The following ANO3 variants were observed in gnomAD, a reference collection of about 807,000 sequenced individuals.
ANO3 encodes the protein anoctamin 3.
ANO3 carries 99 observed loss-of-function variants against 144.8 expected under a neutral mutation model. The observed-to-expected ratio is 0.68, with a 90% confidence interval of 0.58 to 0.81. ANO3 has a LOEUF of 0.81. ANO3 is among the 30% of genes least tolerant of loss of function. The probability of loss-of-function intolerance (pLI) is 0.00; values close to 1 mark genes in which losing one functional copy is unlikely to be tolerated. For missense variants in ANO3, 905 were observed against 1,202.2 expected (o/e 0.75, Z 3.66); for synonymous variants, 414 against 392.6 (o/e 1.05, Z -0.64).
rs540539259 is a variant in ANO3, at chr11:26,610,909, G to A, written c.1836+11195G>A. 5.1e-4 allele frequency among the ~76,000 whole-genome samples: 77 copies of A among 151,982 alleles called. 1 individual carries two copies. In the South Asian group the frequency reaches 0.014, roughly 27 times the overall value. On this transcript the variant is annotated intron_variant, in intron 17 of 26. Transcript: ENST00000256737. Reference sequence around the variant, plus strand: ...GAATCTATCCAGTTCATCTATGTTCGCAAACTTTTTGGTGTATAATTGTTC... The same window carrying A: ...GAATCTATCCAGTTCATCTATGTTCACAAACTTTTTGGTGTATAATTGTTC...
intron 1 of ANO3, among the ~76,000 whole-genome samples, chr11:26,437,395 G>A (rs985734101): frequency 6.6e-5 from 10 of 152,186 alleles, no homozygotes; most frequent in Middle Eastern, 3.2e-3. Context: ...ATATCCATGA[G>A]AGAAGAGTGG....
intron 14 of ANO3, among the ~76,000 whole-genome samples, chr11:26,578,449 A>G (rs1372380438): frequency 2.0e-5 from 3 of 152,184 alleles, no homozygotes; most frequent in Non-Finnish European, 2.9e-5. Context: ...CCAGGTTTCA[A>G]TTAGAGTAAG....
At chr11:26,215,454 T>A (rs1852017956) in intron 1 of ANO3, among the ~76,000 whole-genome samples, 1 of 151,434 alleles carries the variant, frequency 6.6e-6, no homozygotes, top group African/African-American at 2.4e-5. Flanking sequence ...ATTGTGAAGA[T>A]TTTTTTTTCC....
chr11:26,593,799 G>T (rs927575950), intron 14 of ANO3, among the ~76,000 whole-genome samples: 4 of 152,108 alleles, frequency 2.6e-5, no homozygotes, highest in Non-Finnish European at 4.4e-5. Flanking sequence ...GCCTTTCCCT[G>T]TTCCAGAGCC....
chr11:26,280,998 T>C (rs1029561323), intron 1 of ANO3, among the ~76,000 whole-genome samples: 6 of 152,148 alleles, frequency 3.9e-5, no homozygotes, highest in African/African-American at 1.4e-4. Context: ...ATAATATCTG[T>C]CTCTATCATT....
At chr11:26,398,269 T>C (rs1004353042) in intron 1 of ANO3, among the ~76,000 whole-genome samples, 3 of 152,032 alleles carry the variant, frequency 2.0e-5, no homozygotes, top group Admixed American at 2.0e-4. Context: ...AAGCAACCTA[T>C]AGTGAGTTTT....
chr11:26,613,306 T>C (rs1261821179), intron 17 of ANO3, among the ~76,000 whole-genome samples: 2 of 152,198 alleles, frequency 1.3e-5, no homozygotes, highest in Non-Finnish European at 2.9e-5. Context: ...ATTGTATTTA[T>C]TGAATTATTC....
At chr11:26,508,890 G>A (rs1861538799) in intron 5 of ANO3, 1 of 151,764 alleles carries the variant, frequency 6.6e-6, no homozygotes, top group Non-Finnish European at 1.5e-5. Context: ...TAAAAGTATA[G>A]AAATGTACAA....
At chr11:26,189,810 T>C (rs546886099) in intron 1 of ANO3, among the ~76,000 whole-genome samples, 69 of 152,348 alleles carry the variant, frequency 4.5e-4, no homozygotes, top group Admixed American at 4.1e-3. Context: ...TTTTATGATC[T>C]GATTTAGATT....
intron 14 of ANO3, among the ~76,000 whole-genome samples, chr11:26,582,786 A>G (rs1380352048): frequency 6.6e-6 from 1 of 152,188 alleles, no homozygotes; most frequent in Non-Finnish European, 1.5e-5. Flanking sequence ...GCACTCCTCT[A>G]TCCCTAGATT....
chr11:26,358,175 T>TA lies in ANO3; in HGVS notation c.46+25854_46+25855insA, dbSNP rs995959542. Among the ~76,000 whole-genome samples the TA allele has an allele frequency of 1.1e-4, 16 of 144,188 alleles. 1 individual carries two copies. Among genetic ancestry groups the TA allele is most frequent in the African/African-American group, 2.1e-4 (8 of 37,352 alleles). 94.6% of individuals were successfully genotyped at this position (144,188 alleles called of 152,430 possible). On this transcript the variant is annotated intron_variant, in intron 1 of 26. Coordinates refer to ENST00000256737, the MANE Select transcript of ANO3 (RefSeq NM_031418.4). Reference sequence around the variant, plus strand: ...AGCTTAGAATACAATTTCAACTTTTTTTTTTTTTTTTTTTTGAGATGGAGT... The same window carrying TA: ...AGCTTAGAATACAATTTCAACTTTTTATTTTTTTTTTTTTTTGAGATGGAGT...
intron 11 of ANO3, among the ~76,000 whole-genome samples, chr11:26,545,173 A>C (rs1349023463): frequency 6.6e-6 from 1 of 152,074 alleles, no homozygotes. Flanking sequence ...TTTTCAGGAC[A>C]TGCATCTCTT....
At chr11:26,322,369 A>G (rs2133880095) in intron 1 of ANO3, among the ~76,000 whole-genome samples, 1 of 152,226 alleles carries the variant, frequency 6.6e-6, no homozygotes, top group South Asian at 2.1e-4. Context: ...GTATTCATAC[A>G]TTATTATCAA....
chr11:26,247,854 C>T (rs1047015221), intron 1 of ANO3, among the ~76,000 whole-genome samples: 3 of 151,314 alleles, frequency 2.0e-5, no homozygotes, highest in African/African-American at 7.3e-5. Flanking sequence ...CTCAGCCTCC[C>T]GAGTAGCTGA....
chr11:26,441,028 A>G (rs1858489768), intron 1 of ANO3, among the ~76,000 whole-genome samples: 1 of 150,664 alleles, frequency 6.6e-6, no homozygotes, highest in African/African-American at 2.4e-5. Flanking sequence ...GACTTCTGGC[A>G]GATGAGACTC....
intron 14 of ANO3, among the ~76,000 whole-genome samples, chr11:26,587,282 A>C (rs1414602418): frequency 1.3e-5 from 2 of 152,158 alleles, no homozygotes; most frequent in Non-Finnish European, 2.9e-5. Flanking sequence ...TGTCTAGATG[A>C]ACTAAGCACT....
intron 1 of ANO3, among the ~76,000 whole-genome samples, chr11:26,334,778 G>T (rs936634535): frequency 1.3e-5 from 2 of 152,032 alleles, no homozygotes; most frequent in Non-Finnish European, 2.9e-5. Context: ...TCCAGTTGAT[G>T]GAATTTACTT....
intron 1 of ANO3, among the ~76,000 whole-genome samples, chr11:26,276,316 A>G (rs1315505436): frequency 6.6e-6 from 1 of 152,198 alleles, no homozygotes; most frequent in Non-Finnish European, 1.5e-5. Flanking sequence ...GATCTGGGAA[A>G]GAACTCAGGA....
At chr11:26,424,202 C>A (rs1857846513) in intron 1 of ANO3, among the ~76,000 whole-genome samples, 1 of 150,234 alleles carries the variant, frequency 6.7e-6, no homozygotes, top group Admixed American at 6.7e-5. Flanking sequence ...GCAATCTATC[C>A]TACGTTATGG....
Sources: gnomAD v4.1 joint callset for allele counts (sites outside exome capture counted in the v4.1 genomes callset) on GRCh38, gnomAD v4.1.1 for gene constraint, MANE v1.5 for transcripts, NCBI Gene and HGNC (gene_info 2026-07-23, HGNC 2026-07-21) for gene names.